The following SNX27 variants were observed in gnomAD, a reference collection of about 807,000 sequenced individuals.
SNX27 encodes the protein sorting nexin 27.
SNX27 carries 22 observed loss-of-function variants against 71.6 expected under a neutral mutation model. That is an observed-to-expected ratio of 0.31 (90% CI 0.22 to 0.44). The LOEUF (loss-of-function observed/expected upper bound fraction) is 0.44. Among genes scored for constraint, SNX27 ranks in the 20% least tolerant of loss-of-function variants. The probability of loss-of-function intolerance (pLI) is 1.00; values close to 1 mark genes in which losing one functional copy is unlikely to be tolerated. For missense variants in SNX27, 531 were observed against 698.6 expected (o/e 0.76, Z 2.70); for synonymous variants, 269 against 277.2 (o/e 0.97, Z 0.29).
chr1:151,619,433 G>A lies in SNX27; in HGVS notation c.311+6921G>A, dbSNP rs779367099. Among the ~76,000 whole-genome samples the A allele has an allele frequency of 6.3e-4, 96 of 152,246 alleles. 2 individuals carry two copies. The highest frequency in any genetic ancestry group is 2.4e-4 in the Non-Finnish European group (16 of 68,012). ...TCTCACCTTAGCCTTCCAGAAAGCT[G>A]GGACCATAGGCGTATGCCACCATGC... On this transcript the variant is annotated intron_variant, in intron 1 of 11. Transcript: ENST00000458013.
intron 7 of SNX27, among the ~76,000 whole-genome samples, chr1:151,671,546 C>G (rs1670452312): frequency 6.6e-6 from 1 of 151,930 alleles, no homozygotes. Context: ...CAGTTTTCTT[C>G]TTTTTCTTAG....
chr1:151,635,515 A>C (rs2102626751), intron 1 of SNX27, among the ~76,000 whole-genome samples: 1 of 152,322 alleles, frequency 6.6e-6, no homozygotes, highest in Non-Finnish European at 1.5e-5. Flanking sequence ...GGGCCACACC[A>C]AATTTGAGTC....
At chr1:151,667,756 G>A (rs191393621) in intron 6 of SNX27, among the ~76,000 whole-genome samples, 3,087 of 149,578 alleles carry the variant, frequency 0.021, 102 homozygotes, top group African/African-American at 0.072. Context: ...GAACCTGGGA[G>A]GCGGAGCTTG....
Position 151,668,557 on chromosome 1 carries a change from T to TCGAA in SNX27, c.1072_1075dup (p.Lys359ThrfsTer15). On this transcript the variant is annotated frameshift_variant, in exon 7 of 12. Transcript: ENST00000458013. LOFTEE classifies it high-confidence loss of function. The stretch of plus-strand genomic sequence containing the variant: ...CTGTGCCAGGCACCTGCTTGACCAT[T>TCGAA]CGAAAGTGGCTTTTTACAACAGAAG... The TCGAA allele has an allele frequency of 6.2e-7, 1 of 1,614,064 alleles. No individual in the cohort carries two copies. The highest frequency in any genetic ancestry group is 8.5e-7 in the Non-Finnish European group (1 of 1,179,966).
chr1:151,648,442 G>C (rs1037347751), intron 2 of SNX27, among the ~76,000 whole-genome samples: 2 of 149,884 alleles, frequency 1.3e-5, no homozygotes, highest in Non-Finnish European at 3.0e-5. Flanking sequence ...TTTTTGAGAC[G>C]GAGTTTTGCT....
chr1:151,653,841 T>G (rs1571825022), intron 2 of SNX27, among the ~76,000 whole-genome samples: 1 of 149,572 alleles, frequency 6.7e-6, no homozygotes, highest in African/African-American at 2.5e-5. Context: ...TTTTTGTTTT[T>G]TTTTTTTTTT....
intron 1 of SNX27, among the ~76,000 whole-genome samples, chr1:151,627,323 A>G (rs1321635197): frequency 6.6e-6 from 1 of 152,240 alleles, no homozygotes; most frequent in Non-Finnish European, 1.5e-5. Flanking sequence ...CAGTATCAGA[A>G]TTGTTAACGA....
At chr1:151,645,771 T>C (rs777047319) in intron 2 of SNX27, among the ~76,000 whole-genome samples, 4 of 152,246 alleles carry the variant, frequency 2.6e-5, no homozygotes, top group African/African-American at 4.8e-5. Context: ...TTGTAACTTA[T>C]GCCCACAAGC....
At position 151,694,576 on chromosome 1, in the gene SNX27, TTCA is replaced by T; in HGVS notation, c.*161_*163del. ...ATATTATTAATAACCCCCTCTGAAT[TTCA>T]TGTCTCTGGAATTGAGGTGGTAGTG... On this transcript the variant is annotated 3_prime_UTR_variant, in exon 12 of 12. Transcript: ENST00000458013. 4.5e-6 allele frequency: 3 copies of T among 673,360 alleles called. No homozygotes were observed. The highest frequency in any genetic ancestry group is 6.9e-6 in the Non-Finnish European group (3 of 434,748). 41.7% of individuals were successfully genotyped at this position (673,360 alleles called of 1,614,324 possible). A position where few individuals can be genotyped will look rare whatever the true frequency, so the allele number is the denominator to read the frequency against.
intron 7 of SNX27, among the ~76,000 whole-genome samples, chr1:151,671,607 T>G (rs1176352619): frequency 2.0e-5 from 3 of 152,112 alleles, no homozygotes. Flanking sequence ...AATTTTAGGA[T>G]AGTTTTTTTT....
intron 1 of SNX27, among the ~76,000 whole-genome samples, chr1:151,638,445 G>T (rs1668570108): frequency 6.6e-6 from 1 of 152,208 alleles, no homozygotes. Context: ...AATTTATTTT[G>T]TGAAGGTTCT....
chr1:151,657,753 G>C (rs756404376), intron 2 of SNX27, among the ~76,000 whole-genome samples: 2 of 152,066 alleles, frequency 1.3e-5, no homozygotes, highest in Non-Finnish European at 2.9e-5. Flanking sequence ...TCCTCCTGCT[G>C]GGTGCGGTGG....
chr1:151,625,617 C>T (rs1162926412), intron 1 of SNX27, among the ~76,000 whole-genome samples: 1 of 151,648 alleles, frequency 6.6e-6, no homozygotes, highest in African/African-American at 2.4e-5. Context: ...GGGCAGATCA[C>T]TTGAGGTCAT....
At chr1:151,656,031 G>A (rs1283605849) in intron 2 of SNX27, among the ~76,000 whole-genome samples, 2 of 152,210 alleles carry the variant, frequency 1.3e-5, no homozygotes, top group African/African-American at 4.8e-5. Flanking sequence ...AGACCATCCT[G>A]GCTAACACGG....
intron 2 of SNX27, among the ~76,000 whole-genome samples, chr1:151,643,282 T>C (rs1436411666): frequency 6.7e-6 from 1 of 148,902 alleles, no homozygotes; most frequent in East Asian, 2.0e-4. Flanking sequence ...ATTTATTTAT[T>C]TATTTATTTA....
intron 2 of SNX27, among the ~76,000 whole-genome samples, chr1:151,649,551 C>T (rs1409612311): frequency 6.6e-6 from 1 of 152,230 alleles, no homozygotes; most frequent in Non-Finnish European, 1.5e-5. Context: ...CCACTCCACT[C>T]CAACCTGGGA....
intron 1 of SNX27, among the ~76,000 whole-genome samples, chr1:151,627,243 A>G (rs953740169): frequency 1.3e-5 from 2 of 152,254 alleles, no homozygotes; most frequent in African/African-American, 4.8e-5. Flanking sequence ...TCCATTCCAC[A>G]GTGAGAAACT....
chr1:151,624,139 A>T (rs1465648710), intron 1 of SNX27, among the ~76,000 whole-genome samples: 3 of 151,706 alleles, frequency 2.0e-5, no homozygotes, highest in African/African-American at 4.8e-5. Context: ...ATTTTTAAAA[A>T]TTTTTTTGTA....
intron 7 of SNX27, chr1:151,680,011 T>G (rs1415834571): frequency 6.6e-6 from 1 of 152,180 alleles, no homozygotes; most frequent in Non-Finnish European, 1.5e-5. Context: ...GCTGCTGTTT[T>G]TATTAGGAGC....
Sources: gnomAD v4.1 joint callset for allele counts (sites outside exome capture counted in the v4.1 genomes callset) on GRCh38, gnomAD v4.1.1 for gene constraint, MANE v1.5 for transcripts, NCBI Gene and HGNC (gene_info 2026-07-23, HGNC 2026-07-21) for gene names.